The following SYN2 variants were observed in gnomAD, a reference collection of about 807,000 sequenced individuals.
The protein encoded by SYN2 is synapsin II.
Under a neutral mutation model 50.9 loss-of-function variants are expected in SYN2, and 19 were observed. The observed-to-expected ratio is 0.37, with a 90% CI of 0.26 to 0.55. The LOEUF (loss-of-function observed/expected upper bound fraction) is 0.55, where lower values mean the gene tolerates loss of function less well. Among genes scored for constraint, SYN2 ranks in the 20% least tolerant of loss-of-function variants. The pLI, the probability that SYN2 is intolerant of heterozygous loss-of-function variation, is 0.81. For missense variants in SYN2, 587 were observed against 576.4 expected (o/e 1.02, Z -0.19); for synonymous variants, 255 against 224.9 (o/e 1.13, Z -1.20).
chr3:12,153,673 G>C, intron 5 of SYN2: 1 of 1,614,188 alleles, frequency 6.2e-7, no homozygotes, highest in Non-Finnish European at 8.5e-7. Context: ...CACTCGTTAG[G>C]GGCCGAGATG....
In SYN2 at chr3:12,080,061, T is replaced by C. The variant is rs773885181; in HGVS notation, c.378-60590T>C. Among the ~76,000 whole-genome samples the C allele has an allele frequency of 2.3e-3, 356 of 152,258 alleles. 3 individuals carry two copies. Among genetic ancestry groups the C allele is most frequent in the Non-Finnish European group, 1.6e-3 (106 of 68,018 alleles). ...TGTATGTGTCCAGGAATTTATCAAT[T>C]TCTTCTAGATTTTCTAGTTTATTTG... On this transcript the variant is annotated intron_variant, in intron 1 of 12. Transcript: ENST00000621198.
chr3:12,090,525 T>A (rs1695804109), intron 1 of SYN2, among the ~76,000 whole-genome samples: 1 of 152,200 alleles, frequency 6.6e-6, no homozygotes, highest in Non-Finnish European at 1.5e-5. Flanking sequence ...GCTAATGAGT[T>A]CACTCCTCTG....
chr3:12,156,802 G>T (rs1489947675), intron 5 of SYN2: 1 of 1,592,120 alleles, frequency 6.3e-7, no homozygotes, highest in Non-Finnish European at 8.6e-7. Flanking sequence ...AAGGCCAGTT[G>T]TTGGTCTTTT....
chr3:12,004,903 G>C lies in SYN2; in HGVS notation c.352G>C (p.Val118Leu). ...CGCCAGGAAGGCCAAGGTGCTGCTG[G>C]TGGTCGACGAGCCGCACGCCGACTG... is the stretch of plus-strand genomic sequence containing the variant. Reference protein sequence around the residue: ...AAARKAKVLLVVDEPHADWAK... With the variant: ...AAARKAKVLLLVDEPHADWAK... Residue 118 changes from valine to leucine, a missense_variant, in exon 1 of 13, where the codon GTG (valine) becomes CTG (leucine). Coordinates refer to ENST00000621198, the MANE Select transcript of SYN2 (RefSeq NM_133625.6). 1 of 581,592 alleles carries C rather than the reference G, an allele frequency of 1.7e-6. No individual in the cohort carries two copies. Among genetic ancestry groups the C allele is most frequent in the East Asian group, 3.4e-5 (1 of 29,006 alleles). 36.0% of individuals were successfully genotyped at this position (581,592 alleles called of 1,614,324 possible).
chr3:12,064,763 T>G (rs928225720), intron 1 of SYN2, among the ~76,000 whole-genome samples: 3 of 152,106 alleles, frequency 2.0e-5, no homozygotes, highest in African/African-American at 7.2e-5. Context: ...ATTGGAACCC[T>G]TATACATGGA....
intron 7 of SYN2, among the ~76,000 whole-genome samples, chr3:12,166,110 G>C (rs1236116497): frequency 6.6e-6 from 1 of 152,168 alleles, no homozygotes; most frequent in Non-Finnish European, 1.5e-5. Flanking sequence ...TTGTGACCCT[G>C]TTCGTTAACT....
chr3:12,182,587 C>T (rs754484488), intron 10 of SYN2, among the ~76,000 whole-genome samples: 7 of 152,088 alleles, frequency 4.6e-5, no homozygotes, highest in South Asian at 2.1e-4. Context: ...TGGCCTTGAG[C>T]GCTGTTACAA....
intron 1 of SYN2, among the ~76,000 whole-genome samples, chr3:12,027,951 C>CT (rs35864647): frequency 0.14 from 20,055 of 141,008 alleles, 2,218 homozygotes; most frequent in African/African-American, 0.32. Flanking sequence ...ATAAGTAATT[C>CT]TTTTTTTTTT....
At chr3:12,132,270 AGT>A (rs1266353608) in intron 1 of SYN2, among the ~76,000 whole-genome samples, 2 of 152,156 alleles carry the variant, frequency 1.3e-5, no homozygotes, top group Non-Finnish European at 2.9e-5. Context: ...ACACAAAATG[AGT>A]AGAGCAGAGT....
chr3:12,080,501 C>T (rs1022936764), intron 1 of SYN2, among the ~76,000 whole-genome samples: 19 of 151,930 alleles, frequency 1.3e-4, no homozygotes, highest in Admixed American at 3.9e-4. Flanking sequence ...GGTACATTGT[C>T]ACTTTGTTCT....
chr3:12,082,707 A>ATAAT (rs1170641425), intron 1 of SYN2, among the ~76,000 whole-genome samples: 2 of 152,192 alleles, frequency 1.3e-5, no homozygotes, highest in Non-Finnish European at 2.9e-5. Flanking sequence ...TGGGGCTTTT[A>ATAAT]TAATCCCTTG....
At chr3:12,010,957 C>A (rs1475847083) in intron 1 of SYN2, among the ~76,000 whole-genome samples, 1 of 152,164 alleles carries the variant, frequency 6.6e-6, no homozygotes, top group African/African-American at 2.4e-5. Context: ...GTGGCTAAAT[C>A]TATGTGGGAA....
At chr3:12,078,066 A>G (rs1695509681) in intron 1 of SYN2, among the ~76,000 whole-genome samples, 1 of 152,080 alleles carries the variant, frequency 6.6e-6, no homozygotes, top group East Asian at 1.9e-4. Flanking sequence ...TTCTCTAATG[A>G]TCAGTGATGT....
chr3:12,098,856 C>CATATATATATATAT (rs35420190), intron 1 of SYN2, among the ~76,000 whole-genome samples: 1,376 of 133,486 alleles, frequency 0.01, 18 homozygotes, highest in East Asian at 0.05. Context: ...AAAGCAAAAG[C>CATATATATATATAT]ATATATATAT....
intron 1 of SYN2, among the ~76,000 whole-genome samples, chr3:12,035,769 G>A (rs573004122): frequency 4.6e-5 from 7 of 152,314 alleles, no homozygotes; most frequent in African/African-American, 1.4e-4. Context: ...TGGTTTGTGA[G>A]TGTGGACTTC....
chr3:12,028,021 T>TTTTTTTTTTTTCCCTC (rs1694301252), intron 1 of SYN2, among the ~76,000 whole-genome samples: 1 of 62,046 alleles, frequency 1.6e-5, no homozygotes. Flanking sequence ...ATTTTTTCTT[T>TTTTTTTTTTTTCCCTC]CCCTCCCCCC....
In SYN2 at chr3:12,183,462, C is replaced by T. The variant is rs542412629; in HGVS notation, c.1369+90C>T. On this transcript the variant is annotated intron_variant, in intron 11 of 12. Coordinates refer to ENST00000621198, the MANE Select transcript of SYN2 (RefSeq NM_133625.6). ...TTAAAATGATTGGTGGTTAATTTTT[C>T]AAAGCAGAAATTTTAAGCCAAAAAC... is the stretch of plus-strand genomic sequence containing the variant. The T allele has an allele frequency of 3.0e-5, 48 of 1,609,232 alleles. No individual in the cohort carries two copies. In the African/African-American group the frequency reaches 5.8e-4, roughly 19 times the overall value.
intron 10 of SYN2, among the ~76,000 whole-genome samples, chr3:12,178,682 A>G (rs558060665): frequency 6.6e-6 from 1 of 152,350 alleles, no homozygotes; most frequent in East Asian, 1.9e-4. Context: ...AAATTCTAAC[A>G]TTAGACCTCC....
At chr3:12,040,804 C>G (rs1176979564) in intron 1 of SYN2, among the ~76,000 whole-genome samples, 1 of 152,064 alleles carries the variant, frequency 6.6e-6, no homozygotes, top group African/African-American at 2.4e-5. Flanking sequence ...CAGTGAGGAA[C>G]TAAGGTGTTG....
Sources: gnomAD v4.1 joint callset for allele counts (sites outside exome capture counted in the v4.1 genomes callset) on GRCh38, gnomAD v4.1.1 for gene constraint, MANE v1.5 for transcripts, NCBI Gene and HGNC (gene_info 2026-07-23, HGNC 2026-07-21) for gene names.